ZMYND8: variants seen among roughly 807,000 people sequenced by gnomAD.
ZMYND8 encodes the protein MYND-type zinc finger-containing chromatin reader ZMYND8.
Under a neutral mutation model 140.8 loss-of-function variants are expected in ZMYND8, and 37 were observed. The observed-to-expected ratio is 0.26, with a 90% confidence interval of 0.20 to 0.35. ZMYND8 has a LOEUF of 0.35. ZMYND8 is among the 10% of genes least tolerant of loss of function. The probability of loss-of-function intolerance (pLI) is 1.00; values close to 1 mark genes in which losing one functional copy is unlikely to be tolerated. For missense variants in ZMYND8, 1,068 were observed against 1,570.0 expected (o/e 0.68, Z 5.40); for synonymous variants, 592 against 597.1 (o/e 0.99, Z 0.12).
chr20:47,209,600 G>A lies in ZMYND8; in HGVS notation c.*1161C>T, dbSNP rs1027866652. On this transcript the variant is annotated 3_prime_UTR_variant, in exon 23 of 23. Coordinates refer to ENST00000471951, the MANE Select transcript of ZMYND8 (RefSeq NM_001281775.3). Reference sequence around the variant, plus strand: ...TTAACAATGAAGAGAAAGTAAACAAGACTAAAATGTACAACAAAACGTACT... The same window carrying A: ...TTAACAATGAAGAGAAAGTAAACAAAACTAAAATGTACAACAAAACGTACT... 3 of 152,274 alleles carry A rather than the reference G, an allele frequency of 2.0e-5. No individual in the cohort carries two copies. The allele number at this position is 152,274 out of a possible 1,614,324, so 9.4% of individuals were successfully genotyped here.
chr20:47,288,624 C>T (rs1008709467), intron 7 of ZMYND8, among the ~76,000 whole-genome samples: 2 of 152,054 alleles, frequency 1.3e-5, no homozygotes, highest in African/African-American at 4.8e-5. Flanking sequence ...GAACCCCTGA[C>T]TGAAGTGATC....
At chr20:47,302,578 G>A (rs2078142602) in intron 3 of ZMYND8, among the ~76,000 whole-genome samples, 1 of 151,946 alleles carries the variant, frequency 6.6e-6, no homozygotes, top group Non-Finnish European at 1.5e-5. Flanking sequence ...GATGAATAAG[G>A]AATACTCAAC....
intron 10 of ZMYND8, among the ~76,000 whole-genome samples, chr20:47,281,037 T>C (rs1317637712): frequency 1.3e-5 from 2 of 152,218 alleles, no homozygotes; most frequent in East Asian, 1.9e-4. Flanking sequence ...AGCCTTCACA[T>C]GGGCAGAAAC....
chr20:47,248,124 C>T (rs1288353068), intron 13 of ZMYND8, among the ~76,000 whole-genome samples: 1 of 152,172 alleles, frequency 6.6e-6, no homozygotes, highest in Admixed American at 6.6e-5. Flanking sequence ...ACTGGTGTGA[C>T]CCTGAACAAG....
intron 2 of ZMYND8, among the ~76,000 whole-genome samples, chr20:47,316,553 G>A (rs543827558): frequency 6.6e-6 from 1 of 152,130 alleles, no homozygotes; most frequent in South Asian, 2.1e-4. Context: ...AGCACTTTGG[G>A]AGGCCGAGGC....
At chr20:47,287,336 G>A in intron 7 of ZMYND8, 52 bp from the exon 8 acceptor site, 1 of 1,481,570 alleles carries the variant, frequency 6.7e-7, no homozygotes, top group Non-Finnish European at 9.4e-7. Context: ...CGCAACACCG[G>A]GCCTGGGGAC....
At chr20:47,334,605 A>AAATAT (rs773739583) in intron 2 of ZMYND8, among the ~76,000 whole-genome samples, 6 of 141,702 alleles carry the variant, frequency 4.2e-5, no homozygotes, top group African/African-American at 1.6e-4. Context: ...GAAAAAAAAA[A>AAATAT]ATATATATAT....
At chr20:47,321,924 A>C (rs2079992188) in intron 2 of ZMYND8, among the ~76,000 whole-genome samples, 1 of 146,062 alleles carries the variant, frequency 6.8e-6, no homozygotes, top group Non-Finnish European at 1.5e-5. Context: ...GCAGTGGCAC[A>C]ATCTGGGCTC....
chr20:47,273,931 C>T (rs1363276138), intron 11 of ZMYND8, among the ~76,000 whole-genome samples: 1 of 152,222 alleles, frequency 6.6e-6, no homozygotes, highest in Non-Finnish European at 1.5e-5. Flanking sequence ...TCTTCCTACA[C>T]TACACATTGG....
At position 47,293,354 on chromosome 20, in the gene ZMYND8, C is replaced by T. The variant is rs531204768; in HGVS notation, c.567+1312G>A. ...AAACAAGTTATTTTTCTGCCATTTTCCTGAAAAGTATTGTGATAAATATAC... is the reference window on the plus strand; with the variant it reads ...AAACAAGTTATTTTTCTGCCATTTTTCTGAAAAGTATTGTGATAAATATAC... On this transcript the variant is annotated intron_variant, in intron 5 of 22. Coordinates refer to ENST00000471951, the MANE Select transcript of ZMYND8 (RefSeq NM_001281775.3). Among the ~76,000 whole-genome samples, 17 of 152,244 alleles carry T rather than the reference C, an allele frequency of 1.1e-4. No homozygotes were observed. The East Asian group carries it at 3.3e-3, about 29-fold the overall frequency.
intron 15 of ZMYND8, chr20:47,237,436 G>T (rs888699357): frequency 6.6e-6 from 1 of 152,090 alleles, no homozygotes; most frequent in East Asian, 1.9e-4. Flanking sequence ...GGGATTACAG[G>T]TGTGAGCCAC....
intron 3 of ZMYND8, 73 bp downstream of exon 3, chr20:47,309,983 G>A (rs2078800522): frequency 1.9e-6 from 3 of 1,593,988 alleles, no homozygotes; most frequent in Non-Finnish European, 2.6e-6. Context: ...CGCTTACAAG[G>A]ATCCAGAGGT....
At chr20:47,311,476 A>T (rs2078927397) in intron 2 of ZMYND8, among the ~76,000 whole-genome samples, 1 of 151,918 alleles carries the variant, frequency 6.6e-6, no homozygotes, top group Non-Finnish European at 1.5e-5. Context: ...CAACATGGTA[A>T]AACCAGTCCT....
At chr20:47,246,607 G>A in intron 13 of ZMYND8, 90 bp from the exon 14 acceptor site, 4 of 1,484,044 alleles carry the variant, frequency 2.7e-6, no homozygotes, top group Non-Finnish European at 2.7e-6. Flanking sequence ...ACCAAATGCT[G>A]GAATAAGAAA....
At chr20:47,216,495 CAAAAAAA>C (rs10536216) in intron 21 of ZMYND8, among the ~76,000 whole-genome samples, 2 of 59,456 alleles carry the variant, frequency 3.4e-5, no homozygotes, top group East Asian at 6.1e-4. Flanking sequence ...GACTCTGTCT[CAAAAAAA>C]AAAAAAAAAA....
chr20:47,307,551 G>C (rs1458999111), intron 3 of ZMYND8, among the ~76,000 whole-genome samples: 4 of 152,090 alleles, frequency 2.6e-5, no homozygotes, highest in African/African-American at 9.7e-5. Context: ...TCCAGCTTGA[G>C]CAATATAGCA....
chr20:47,255,689 G>GTGTATA (rs1249680842), intron 12 of ZMYND8, among the ~76,000 whole-genome samples: 9 of 103,178 alleles, frequency 8.7e-5, no homozygotes, highest in Non-Finnish European at 1.5e-4. Flanking sequence ...GTGTGTGTGT[G>GTGTATA]TATATATATA....
rs1350665285 is a variant in ZMYND8, at chr20:47,244,537, G to A, written c.2284+1471C>T. ...ACTAGGCTGTGGGGTAGTCACTGCT[G>A]GTTCAGAATATAACCGTAGCCTCTG... On this transcript the variant is annotated intron_variant, in intron 14 of 22. Transcript: ENST00000471951. Among the ~76,000 whole-genome samples, 6 of 152,280 alleles carry A rather than the reference G, an allele frequency of 3.9e-5. No individual in the cohort carries two copies. The East Asian group carries it at 9.7e-4, about 25-fold the overall frequency.
At chr20:47,329,999 T>A (rs2080796647) in intron 2 of ZMYND8, among the ~76,000 whole-genome samples, 1 of 152,192 alleles carries the variant, frequency 6.6e-6, no homozygotes, top group Non-Finnish European at 1.5e-5. Flanking sequence ...CGTGGGCAAT[T>A]TAAGGTACTT....
Sources: allele counts gnomAD v4.1 joint callset (sites outside exome capture counted in the v4.1 genomes callset), GRCh38; gene constraint gnomAD v4.1.1; transcripts MANE v1.5; gene names NCBI Gene and HGNC (gene_info 2026-07-23, HGNC 2026-07-21).